MYO16: variants seen among roughly 807,000 people sequenced by gnomAD.
MYO16 encodes unconventional myosin-XVI.
A neutral mutation model predicts 205.3 loss-of-function variants in MYO16; 94 were observed. The observed-to-expected ratio is 0.46, with a 90% confidence interval of 0.39 to 0.54. The LOEUF (loss-of-function observed/expected upper bound fraction) is 0.54, where lower values mean the gene tolerates loss of function less well. Ranked by LOEUF, MYO16 falls within the 20% of genes least tolerant of loss-of-function variation. The pLI is 0.00. For synonymous variants in MYO16, 988 were observed against 954.0 expected (o/e 1.04, Z -0.66); for missense variants, 2,315 against 2,387.5 (o/e 0.97, Z 0.63).
chr13:108,931,577 G>T (rs755930634), intron 16 of MYO16, among the ~76,000 whole-genome samples: 1 of 152,058 alleles, frequency 6.6e-6, no homozygotes, highest in African/African-American at 2.4e-5. Context: ...CATCAGGGGT[G>T]TATATTATTC....
intron 32 of MYO16, among the ~76,000 whole-genome samples, chr13:109,145,844 TCAGGAAGA>T (rs1175252481): frequency 6.6e-6 from 1 of 152,160 alleles, no homozygotes; most frequent in Admixed American, 6.5e-5. Context: ...CTGAAAAAGA[TCAGGAAGA>T]CAGGGTCTTG....
At chr13:108,544,804 G>A in the MYO16 span, among the ~76,000 whole-genome samples, 1 of 152,068 alleles carries the variant, frequency 6.6e-6, no homozygotes, top group Non-Finnish European at 1.5e-5. Context: ...CATGGGTTCA[G>A]TTGTTATGAT....
At chr13:108,753,975 T>C (rs1366699096) in intron 4 of MYO16, among the ~76,000 whole-genome samples, 1 of 152,262 alleles carries the variant, frequency 6.6e-6, no homozygotes. Flanking sequence ...GTCACCTGCA[T>C]TTATATAATA....
chr13:108,744,672 ATTGT>A (rs1222675880), intron 4 of MYO16, among the ~76,000 whole-genome samples: 1 of 152,112 alleles, frequency 6.6e-6, no homozygotes, highest in Non-Finnish European at 1.5e-5. Flanking sequence ...TCTTCATTTC[ATTGT>A]TTATCTTACT....
chr13:108,654,794 T>A (rs998453253), intron 1 of MYO16, among the ~76,000 whole-genome samples: 40 of 152,220 alleles, frequency 2.6e-4, no homozygotes, highest in Non-Finnish European at 1.6e-4. Flanking sequence ...TGTTGGGAAC[T>A]GGAGCAAAGG....
At chr13:108,499,464 C>T in the MYO16 span, among the ~76,000 whole-genome samples, 2 of 152,168 alleles carry the variant, frequency 1.3e-5, no homozygotes, top group African/African-American at 2.4e-5. Flanking sequence ...GAGCACACTG[C>T]GTTTGAGAAC....
Position 108,855,535 on chromosome 13 carries a change from T to C in MYO16, c.1341T>C (p.Phe447=), listed in dbSNP as rs2139100997. Residue 447 remains phenylalanine, a synonymous_variant, in exon 11 of 35, where the codon TTT becomes TTC. Transcript: ENST00000457511. Reference sequence around the variant, plus strand: ...TGCTCTATGAGATTCAGAAGCGCTTTGGGAACAATCAGATCTATGTGAGTG... The same window carrying C: ...TGCTCTATGAGATTCAGAAGCGCTTCGGGAACAATCAGATCTATGTGAGTG... ...GSLLYEIQKR[F]GNNQIYTFIG... is the part of the protein sequence containing the mutation. 1.3e-6 allele frequency: 2 copies of C among 1,590,300 alleles called. No individual in the cohort carries two copies. The highest frequency in any genetic ancestry group is 2.2e-5 in the East Asian group (1 of 44,508).
chr13:108,838,690 T>TATACACACAC (rs1487944143), intron 9 of MYO16, among the ~76,000 whole-genome samples: 16 of 135,960 alleles, frequency 1.2e-4, no homozygotes, highest in African/African-American at 4.5e-4. Context: ...TATATATATA[T>TATACACACAC]ACACACACAC....
chr13:108,990,232 A>G (rs1884784132), intron 20 of MYO16, among the ~76,000 whole-genome samples: 1 of 152,030 alleles, frequency 6.6e-6, no homozygotes. Context: ...CATTGTTAGC[A>G]CTGAATGAAC....
rs576332944 is a variant in MYO16, at chr13:108,724,419, A to G, written c.364-3021A>G. Among the ~76,000 whole-genome samples, 6 of 152,286 alleles carry G rather than the reference A, an allele frequency of 3.9e-5. No individual in the cohort carries two copies. The East Asian group carries it at 1.2e-3, about 29-fold the overall frequency. ...AGGGGTGGAAGTTTTCTTGGAGACA[A>G]TTATTAGCTCTTGCTTTGTTATCCA... is the stretch of plus-strand genomic sequence containing the variant. On this transcript the variant is annotated intron_variant, in intron 3 of 34. Coordinates refer to ENST00000457511, the MANE Select transcript of MYO16 (RefSeq NM_001198950.3).
At chr13:108,719,470 A>G (rs1484154911) in intron 3 of MYO16, among the ~76,000 whole-genome samples, 2 of 151,848 alleles carry the variant, frequency 1.3e-5, no homozygotes, top group Non-Finnish European at 2.9e-5. Context: ...CTCTACCGAG[A>G]CGGGCCAGCA....
the MYO16 span, among the ~76,000 whole-genome samples, chr13:108,566,098 G>T: frequency 2.0e-5 from 3 of 151,922 alleles, no homozygotes; most frequent in Non-Finnish European, 4.4e-5. Context: ...GTTTGAGTAT[G>T]ATTAGTATTA....
At chr13:108,746,070 G>A (rs564295930) in intron 4 of MYO16, among the ~76,000 whole-genome samples, 12 of 152,044 alleles carry the variant, frequency 7.9e-5, no homozygotes, top group African/African-American at 2.2e-4. Context: ...GCAGGCGCCT[G>A]TAGTCCCAGC....
chr13:108,761,230 T>C (rs1315509127), intron 4 of MYO16, among the ~76,000 whole-genome samples: 1 of 152,128 alleles, frequency 6.6e-6, no homozygotes, highest in African/African-American at 2.4e-5. Context: ...CCCAGAGCAT[T>C]TGGATAAGCT....
chr13:108,841,042 A>G (rs933485794), intron 9 of MYO16, among the ~76,000 whole-genome samples: 1 of 152,220 alleles, frequency 6.6e-6, no homozygotes, highest in African/African-American at 2.4e-5. Flanking sequence ...TTCACAAACA[A>G]ATTCAAAATG....
At chr13:109,060,199 C>G (rs934649005) in intron 27 of MYO16, among the ~76,000 whole-genome samples, 1 of 152,126 alleles carries the variant, frequency 6.6e-6, no homozygotes, top group Non-Finnish European at 1.5e-5. Flanking sequence ...ATGTTTATTT[C>G]AGCACTATTT....
At chr13:109,093,404 A>G (rs2139695076) in intron 27 of MYO16, among the ~76,000 whole-genome samples, 1 of 152,292 alleles carries the variant, frequency 6.6e-6, no homozygotes, top group African/African-American at 2.4e-5. Flanking sequence ...GGCAGTAAAG[A>G]GACCAGCCAC....
chr13:109,111,096 T>G (rs1889268788), intron 28 of MYO16, among the ~76,000 whole-genome samples: 2 of 152,152 alleles, frequency 1.3e-5, no homozygotes, highest in African/African-American at 4.8e-5. Context: ...ATAATGCAAC[T>G]GAGTGTTATG....
At chr13:108,741,873 C>T (rs1227001594) in intron 4 of MYO16, among the ~76,000 whole-genome samples, 1 of 152,132 alleles carries the variant, frequency 6.6e-6, no homozygotes, top group Non-Finnish European at 1.5e-5. Flanking sequence ...CAAAAGAGGG[C>T]CTCATCATAA....
Sources: gnomAD v4.1 joint callset for allele counts (sites outside exome capture counted in the v4.1 genomes callset) on GRCh38, gnomAD v4.1.1 for gene constraint, MANE v1.5 for transcripts, NCBI Gene and HGNC (gene_info 2026-07-23, HGNC 2026-07-21) for gene names.